Variants in CFAP74 observed in about 807,000 individuals in gnomAD.
The protein encoded by CFAP74 is cilia- and flagella-associated protein 74.
In CFAP74, 124 loss-of-function variants were observed where a neutral mutation model predicts 188.9. The observed-to-expected ratio is 0.66, with a 90% CI of 0.57 to 0.76. CFAP74 has a LOEUF of 0.76. Ranked by LOEUF, CFAP74 falls within the 30% of genes least tolerant of loss-of-function variation. The pLI is 0.00. For missense variants in CFAP74, 2,198 were observed against 2,165.2 expected (o/e 1.02, Z -0.30); for synonymous variants, 956 against 916.7 (o/e 1.04, Z -0.77).
chr1:1,991,728 T>G (rs1415501288), intron 1 of CFAP74, among the ~76,000 whole-genome samples: 1 of 152,208 alleles, frequency 6.6e-6, no homozygotes, highest in East Asian at 1.9e-4. Flanking sequence ...AATGAGATAC[T>G]ATTATATACT....
chr1:1,926,083 G>T (rs1011771117), intron 32 of CFAP74, 145 bp from the exon 33 acceptor site: 1 of 1,407,666 alleles, frequency 7.1e-7, no homozygotes, highest in East Asian at 2.5e-5. Context: ...GGCGGCTGGT[G>T]TGAGGGCCTG....
In CFAP74 at chr1:1,946,397, G is replaced by T; in HGVS notation, c.2284C>A (p.Pro762Thr). ...GGGACGACCGGAGTGAAGACGATGG[G>T]CACCTTGATGGAGCTGAAGGGGCCA... ...EIGPFSSIKVPIVFTPVVPGD... is the reference protein window; with the variant it reads ...EIGPFSSIKVTIVFTPVVPGD... Residue 762 changes from proline (P) to threonine (T), a missense_variant, in exon 20 of 39, where the codon CCC becomes ACC. Coordinates refer to ENST00000682832, the MANE Select transcript of CFAP74 (RefSeq NM_001304360.2). The T allele has an allele frequency of 6.5e-7, 1 of 1,537,116 alleles. No homozygotes were observed. Among genetic ancestry groups the T allele is most frequent in the Non-Finnish European group, 8.7e-7 (1 of 1,146,848 alleles).
In CFAP74 at chr1:1,926,221, G is replaced by A; in HGVS notation, c.3948+7C>T. On this transcript the variant is annotated splice_region_variant and intron_variant, in intron 32 of 38. Transcript: ENST00000682832. Reference sequence around the variant, plus strand: ...CGCAGTGTGGCCAGGGTGGGCCTGGGACTCACCAGGATGCTCTCGTGGGGA... The same window carrying A: ...CGCAGTGTGGCCAGGGTGGGCCTGGAACTCACCAGGATGCTCTCGTGGGGA... 6.7e-7 allele frequency: 1 copy of A among 1,498,972 alleles called. No individual in the cohort carries two copies. The highest frequency in any genetic ancestry group is 8.9e-7 in the Non-Finnish European group (1 of 1,120,394). 92.9% of individuals were successfully genotyped at this position (1,498,972 alleles called of 1,614,324 possible).
intron 6 of CFAP74, 39 bp downstream of exon 6, chr1:1,985,347 G>T: frequency 1.3e-6 from 2 of 1,561,568 alleles, no homozygotes; most frequent in Non-Finnish European, 1.8e-6. Context: ...ACCGTTCTGG[G>T]GCCTGCCTGC....
At chr1:1,987,644 C>T (rs928509777) in intron 4 of CFAP74, among the ~76,000 whole-genome samples, 4 of 152,042 alleles carry the variant, frequency 2.6e-5, no homozygotes, top group Admixed American at 6.5e-5. Flanking sequence ...CAGGTTCAAG[C>T]GATTCTGCTG....
chr1:1,982,950 G>A (rs76255054), intron 6 of CFAP74, among the ~76,000 whole-genome samples: 2,889 of 152,352 alleles, frequency 0.019, 36 homozygotes, highest in Non-Finnish European at 0.031. Context: ...GCAAGGGCAG[G>A]GAAGAAGAAG....
In CFAP74 at chr1:1,981,439, G is replaced by A. The variant is rs1046564820; in HGVS notation, c.500+3947C>T. ...GGGGGCACGCAGGACACCCAGCCGC[G>A]GACAGACACGGGGGCACGCAGGACA... On this transcript the variant is annotated intron_variant, in intron 6 of 38. Coordinates refer to ENST00000682832, the MANE Select transcript of CFAP74 (RefSeq NM_001304360.2). 7.3e-3 allele frequency among the ~76,000 whole-genome samples: 1,076 copies of A among 147,482 alleles called. 10 individuals are homozygous for A. The highest frequency in any genetic ancestry group is 0.025 in the African/African-American group (991 of 40,090).
chr1:1,988,994 T>TA, intron 2 of CFAP74, 21 bp from the exon 3 acceptor site: 8 of 1,213,434 alleles, frequency 6.6e-6, no homozygotes, highest in Admixed American at 2.2e-5. Context: ...AGGCAAGAGT[T>TA]TAAAAAAAAA....
intron 5 of CFAP74, 110 bp from the exon 6 acceptor site, chr1:1,985,600 G>C (rs1657184807): frequency 2.4e-6 from 2 of 842,700 alleles, no homozygotes; most frequent in African/African-American, 3.3e-5. Context: ...GGGAAATCTC[G>C]GCACTGGGCC....
At chr1:1,961,591 G>A (rs776526343) in intron 14 of CFAP74, among the ~76,000 whole-genome samples, 32 of 152,072 alleles carry the variant, frequency 2.1e-4, no homozygotes, top group Non-Finnish European at 1.5e-4. Flanking sequence ...ACCTCTGCAC[G>A]CGCCCTCCAG....
intron 18 of CFAP74, chr1:1,955,360 G>A: frequency 7.5e-7 from 1 of 1,340,270 alleles, no homozygotes; most frequent in Non-Finnish European, 9.8e-7. Flanking sequence ...GAGCTAGACA[G>A]AAGCCCCCCG....
intron 25 of CFAP74, among the ~76,000 whole-genome samples, chr1:1,934,312 A>G (rs1181352768): frequency 9.5e-5 from 13 of 137,098 alleles, no homozygotes; most frequent in South Asian, 2.4e-4. Flanking sequence ...ACACAGGTGT[A>G]CACGTGGGTG....
intron 15 of CFAP74, 36 bp from the exon 16 acceptor site, chr1:1,959,245 C>G (rs1654889698): frequency 7.2e-7 from 1 of 1,384,288 alleles, no homozygotes; most frequent in Admixed American, 1.8e-5. Flanking sequence ...CAATACACTT[C>G]TGCAACTTTT....
intron 1 of CFAP74, among the ~76,000 whole-genome samples, chr1:1,991,468 T>C (rs6666955): frequency 0.15 from 22,512 of 152,144 alleles, 4,930 homozygotes; most frequent in African/African-American, 0.48. Context: ...CTGGGTGTGG[T>C]GGCGCATGCC....
chr1:1,982,204 C>T (rs1656936789), intron 6 of CFAP74, among the ~76,000 whole-genome samples: 1 of 149,658 alleles, frequency 6.7e-6, no homozygotes, highest in Admixed American at 6.6e-5. Flanking sequence ...GCAGGACACC[C>T]AGCCGTGGTC....
chr1:1,922,286 C>G lies in CFAP74; in HGVS notation c.*1G>C. 1 of 1,608,368 alleles carries G rather than the reference C, an allele frequency of 6.2e-7. No homozygotes were observed. Among genetic ancestry groups the G allele is most frequent in the Non-Finnish European group, 8.5e-7 (1 of 1,177,936 alleles). On this transcript the variant is annotated 3_prime_UTR_variant, in exon 39 of 39. Transcript: ENST00000682832. ...GGCCCGAGGGTGCTCTGTGCAGAGGCTTAGGGGCCAGTCAACACCTGGGCT... is the reference window on the plus strand; with the variant it reads ...GGCCCGAGGGTGCTCTGTGCAGAGGGTTAGGGGCCAGTCAACACCTGGGCT...
intron 14 of CFAP74, among the ~76,000 whole-genome samples, chr1:1,960,732 A>G (rs758350401): frequency 1.3e-5 from 2 of 152,172 alleles, no homozygotes; most frequent in African/African-American, 2.4e-5. Flanking sequence ...AGCAAACCCA[A>G]AGCTCCTCCA....
intron 28 of CFAP74, chr1:1,927,330 G>A (rs1474120603): frequency 1.6e-5 from 9 of 571,544 alleles, no homozygotes; most frequent in Non-Finnish European, 2.5e-5. Context: ...AGCTTTCCCA[G>A]GGCTCATTCT....
chr1:1,928,070 C>T, intron 27 of CFAP74: 1 of 411,050 alleles, frequency 2.4e-6, no homozygotes, highest in Non-Finnish European at 4.6e-6. Flanking sequence ...GCAAGTGCTT[C>T]CCCTCGAGTG....
Sources: gnomAD v4.1 joint callset for allele counts (sites outside exome capture counted in the v4.1 genomes callset) on GRCh38, gnomAD v4.1.1 for gene constraint, MANE v1.5 for transcripts, NCBI Gene and HGNC (gene_info 2026-07-23, HGNC 2026-07-21) for gene names.